The following NFU1 variants were observed in gnomAD, a reference collection of about 807,000 sequenced individuals.
NFU1 encodes NFU1 iron-sulfur cluster scaffold, also known as NFU1 iron-sulfur cluster scaffold homolog, mitochondrial.
In NFU1, 30 loss-of-function variants were observed where a neutral mutation model predicts 32.2. The ratio of observed to expected loss-of-function variants is 0.93; its 90% CI spans 0.70 to 1.26. NFU1 has a LOEUF of 1.26. Ranked by LOEUF, NFU1 falls within the 50% of genes most tolerant of loss-of-function variation. The pLI is 0.00. For synonymous variants in NFU1, 112 were observed against 104.6 expected, an observed-to-expected ratio of 1.07 and a Z score of -0.43; for missense variants, 306 against 306.6, an observed-to-expected ratio of 1.00 and a Z score of 0.02.
At chr2:69,424,198 A>AAAAAAAAATATATATAT (rs1558840147) in intron 2 of NFU1, among the ~76,000 whole-genome samples, 3 of 74,544 alleles carry the variant, frequency 4.0e-5, no homozygotes, top group African/African-American at 1.6e-4. Context: ...AAAAAAAAAA[A>AAAAAAAAATATATATAT]ATATATATAT....
chr2:69,416,490 A>C (rs549918964), intron 4 of NFU1, among the ~76,000 whole-genome samples: 1 of 150,946 alleles, frequency 6.6e-6, no homozygotes, highest in Non-Finnish European at 1.5e-5. Context: ...AAAGAAGATG[A>C]TAAAGAGATT....
At chr2:69,397,169 T>C (rs536636711) in intron 7 of NFU1, among the ~76,000 whole-genome samples, 2 of 152,272 alleles carry the variant, frequency 1.3e-5, no homozygotes, top group East Asian at 1.9e-4. Flanking sequence ...TACTTAAATA[T>C]ATTCTGTGAA....
At chr2:69,432,363 T>C (rs1034650663) in intron 1 of NFU1, among the ~76,000 whole-genome samples, 2 of 152,018 alleles carry the variant, frequency 1.3e-5, no homozygotes, top group African/African-American at 4.8e-5. Context: ...TCACGTGAGG[T>C]TGGGAGTTCA....
intron 2 of NFU1, among the ~76,000 whole-genome samples, chr2:69,424,362 C>T (rs1030987777): frequency 6.6e-6 from 1 of 151,250 alleles, no homozygotes; most frequent in Non-Finnish European, 1.5e-5. Flanking sequence ...AATCACGGTT[C>T]ACTACGACCT....
intron 1 of NFU1, 193 bp downstream of exon 1, chr2:69,437,168 T>G: frequency 7.9e-7 from 1 of 1,265,298 alleles, no homozygotes; most frequent in South Asian, 1.6e-5. Flanking sequence ...TCCGCCCGGA[T>G]TAGGCCACAG....
chr2:69,437,562 G>A (rs1188389169), upstream of NFU1: 2 of 1,039,426 alleles, frequency 1.9e-6, no homozygotes, highest in Middle Eastern at 2.6e-4. Flanking sequence ...TAAGTGCGGT[G>A]GCCTACGCGC....
At chr2:69,434,945 C>T (rs1673779465) in intron 1 of NFU1, among the ~76,000 whole-genome samples, 1 of 152,162 alleles carries the variant, frequency 6.6e-6, no homozygotes, top group Non-Finnish European at 1.5e-5. Context: ...GAGTGCTCAG[C>T]CCGTTTGTGG....
intron 6 of NFU1, among the ~76,000 whole-genome samples, chr2:69,401,898 CT>C (rs10707742): frequency 0.44 from 63,488 of 144,754 alleles, 13,439 homozygotes; most frequent in African/African-American, 0.51. Flanking sequence ...ATCTTTTTTC[CT>C]TTTTTTTTTT....
At chr2:69,403,417 G>T (rs1223824191) in intron 6 of NFU1, among the ~76,000 whole-genome samples, 1 of 151,270 alleles carries the variant, frequency 6.6e-6, no homozygotes, top group South Asian at 2.1e-4. Flanking sequence ...GTGAGACAGG[G>T]TCTTGTTCTA....
chr2:69,398,978 G>A (rs530722079), intron 7 of NFU1, among the ~76,000 whole-genome samples: 12 of 152,228 alleles, frequency 7.9e-5, no homozygotes, highest in South Asian at 6.2e-4. Context: ...CTGGGAGGCC[G>A]AGGCGGGCAA....
chr2:69,409,610 G>A (rs755368976), intron 5 of NFU1, among the ~76,000 whole-genome samples: 3 of 152,170 alleles, frequency 2.0e-5, no homozygotes, highest in Non-Finnish European at 4.4e-5. Flanking sequence ...TGAAGACTTG[G>A]CATCTGGTGA....
rs765466049 is a variant in NFU1 at position 69,406,009 on chromosome 2, G to A, written c.545+13C>T. The A allele has an allele frequency of 1.1e-5, 17 of 1,554,772 alleles. No individual in the cohort carries two copies. The highest frequency in any genetic ancestry group is 6.7e-5 in the Admixed American group (4 of 59,902). On this transcript the variant is annotated intron_variant, in intron 6 of 7. Coordinates refer to ENST00000410022, the MANE Select transcript of NFU1 (RefSeq NM_001002755.4). ...CAAAGCACTTGAATTCAGGTAGAGAGAGGAGCACGTACCGTATTCTAGTAT... is the reference window on the plus strand; with the variant it reads ...CAAAGCACTTGAATTCAGGTAGAGAAAGGAGCACGTACCGTATTCTAGTAT...
chr2:69,423,658 G>C lies in NFU1; in HGVS notation c.226C>G (p.Pro76Ala), dbSNP rs867677182. The C allele has an allele frequency of 5.6e-6, 9 of 1,612,102 alleles. No homozygotes were observed. Among genetic ancestry groups the C allele is most frequent in the Non-Finnish European group, 7.6e-6 (9 of 1,178,304 alleles). Residue 76 changes from proline to alanine, a missense_variant, in exon 3 of 8, where the codon CCA becomes GCA. Physicochemically the swap from Pro to Ala is conservative, Grantham distance 27. Transcript: ENST00000410022. ...TPNPNSLKFI[P>A]GKPVLETRTM... is the part of the protein sequence containing the mutation. ...CTTGTCTCAAGAACTGGTTTTCCTG[G>C]TATAAACTTTAAGCTGTTTGGATTT...
At chr2:69,437,207 C>T in intron 1 of NFU1, 154 bp downstream of exon 1, 1 of 1,451,004 alleles carries the variant, frequency 6.9e-7, no homozygotes, top group South Asian at 1.4e-5. Flanking sequence ...CAGACAGCCT[C>T]AGGGCTCACC....
rs1184044594 is a variant in NFU1, at chr2:69,406,057, C to T, written c.510G>A (p.Val170=). 2 of 1,600,558 alleles carry T rather than the reference C, an allele frequency of 1.2e-6. No homozygotes were observed. Among genetic ancestry groups the T allele is most frequent in the East Asian group, 4.5e-5 (2 of 44,704 alleles). Residue 170 remains valine, a synonymous_variant, in exon 6 of 8, where the codon GTG becomes GTA. Transcript: ENST00000410022. ...TATCTAACAATTCCTTAATCATTGC[C>T]ACAACTTCATCATCTTCTTCAGATC... The part of the protein sequence containing the change: ...EAGSEEDDEV[V]AMIKELLDTR...
chr2:69,405,369 G>C (rs1024341083), intron 6 of NFU1, among the ~76,000 whole-genome samples: 5 of 152,124 alleles, frequency 3.3e-5, no homozygotes, highest in Non-Finnish European at 4.4e-5. Context: ...CAAATTTTCT[G>C]AAAGCCCAGT....
At chr2:69,423,206 T>TGGG (rs1190182636) in intron 3 of NFU1, among the ~76,000 whole-genome samples, 2 of 57,654 alleles carry the variant, frequency 3.5e-5, no homozygotes, top group African/African-American at 1.6e-4. Flanking sequence ...TGTGTGTGTG[T>TGGG]GTGGGGGGGG....
At chr2:69,408,230 C>A (rs546190637) in intron 5 of NFU1, among the ~76,000 whole-genome samples, 1 of 152,192 alleles carries the variant, frequency 6.6e-6, no homozygotes, top group Non-Finnish European at 1.5e-5. Context: ...ACATACTATT[C>A]TATATCTTGC....
intron 2 of NFU1, among the ~76,000 whole-genome samples, chr2:69,424,916 G>A (rs1489792189): frequency 5.1e-5 from 7 of 136,970 alleles, no homozygotes; most frequent in African/African-American, 2.0e-4. Context: ...TCCCTCTGTC[G>A]CCCAGGCTGG....
Sources: allele counts gnomAD v4.1 joint callset (sites outside exome capture counted in the v4.1 genomes callset), GRCh38; gene constraint gnomAD v4.1.1; transcripts MANE v1.5; gene names NCBI Gene and HGNC (gene_info 2026-07-23, HGNC 2026-07-21).